The following RSRC1 variants were observed in gnomAD, a reference collection of about 807,000 sequenced individuals.
RSRC1 encodes the protein arginine and serine rich coiled-coil 1.
In RSRC1, 39 loss-of-function variants were observed where a neutral mutation model predicts 49.1. The observed-to-expected ratio is 0.79, with a 90% confidence interval of 0.61 to 1.04. The LOEUF is 1.04. RSRC1 is among the 50% of genes least tolerant of loss of function. The pLI is 0.00. For synonymous variants in RSRC1, 143 were observed against 130.8 expected (o/e 1.09, Z -0.63); for missense variants, 388 against 402.4 (o/e 0.96, Z 0.31).
At chr3:158,145,372 C>A (rs1717020794) in intron 3 of RSRC1, among the ~76,000 whole-genome samples, 1 of 152,298 alleles carries the variant, frequency 6.6e-6, no homozygotes, top group South Asian at 2.1e-4. Flanking sequence ...TTCCCAGCAC[C>A]ATTTGTTATA....
At chr3:158,464,337 T>C (rs534158802) in intron 7 of RSRC1, among the ~76,000 whole-genome samples, 1 of 152,192 alleles carries the variant, frequency 6.6e-6, no homozygotes, top group Non-Finnish European at 1.5e-5. Context: ...TGCATTTGAC[T>C]TCTCTCTAAT....
chr3:158,189,633 T>A (rs1720119043), intron 3 of RSRC1, among the ~76,000 whole-genome samples: 1 of 151,946 alleles, frequency 6.6e-6, no homozygotes, highest in Non-Finnish European at 1.5e-5. Context: ...GAACACTTCT[T>A]TAGTTTAATA....
intron 7 of RSRC1, among the ~76,000 whole-genome samples, chr3:158,527,422 G>C (rs1712108953): frequency 6.6e-6 from 1 of 151,834 alleles, no homozygotes; most frequent in African/African-American, 2.4e-5. Context: ...GCTTTTTGGT[G>C]AATATAAGCA....
intron 6 of RSRC1, among the ~76,000 whole-genome samples, chr3:158,373,100 G>A (rs1470764292): frequency 1.3e-5 from 2 of 151,622 alleles, no homozygotes; most frequent in African/African-American, 4.8e-5. Flanking sequence ...AGATTCATTA[G>A]GATTTTTCTT....
In RSRC1 at chr3:158,544,793, A is replaced by AT. The variant is rs1713232422; in HGVS notation, c.*523dup. 1.3e-5 allele frequency: 2 copies of AT among 152,254 alleles called. No homozygotes were observed. The highest frequency in any genetic ancestry group is 2.9e-5 in the Non-Finnish European group (2 of 68,056). The allele number at this position is 152,254 out of a possible 1,614,324, so 9.4% of individuals were successfully genotyped here. A position where few individuals can be genotyped will look rare whatever the true frequency, so the allele number is the denominator to read the frequency against. On this transcript the variant is annotated 3_prime_UTR_variant, in exon 10 of 10. Transcript: ENST00000611884. ...TAAAGAACATATTTATGGAAAAAAA[A>AT]TTTTTGAAACTTAAATAAATTGGTG...
At chr3:158,331,971 A>G (rs1276038975) in intron 5 of RSRC1, among the ~76,000 whole-genome samples, 2 of 151,866 alleles carry the variant, frequency 1.3e-5, no homozygotes, top group African/African-American at 4.8e-5. Context: ...TTGATTATAT[A>G]TTGTTATTAA....
At chr3:158,512,164 G>C (rs1056010662) in intron 7 of RSRC1, among the ~76,000 whole-genome samples, 2 of 148,680 alleles carry the variant, frequency 1.3e-5, no homozygotes, top group Admixed American at 6.7e-5. Flanking sequence ...ATTGCTTTTG[G>C]TGTTTTAGAC....
At chr3:158,280,058 A>G (rs915659999) in intron 4 of RSRC1, among the ~76,000 whole-genome samples, 1 of 152,192 alleles carries the variant, frequency 6.6e-6, no homozygotes, top group Non-Finnish European at 1.5e-5. Context: ...TGTTGCCACT[A>G]TCACAGAGAA....
intron 3 of RSRC1, among the ~76,000 whole-genome samples, chr3:158,191,057 A>C (rs1720213873): frequency 6.6e-6 from 1 of 151,954 alleles, no homozygotes; most frequent in South Asian, 2.1e-4. Flanking sequence ...CAAGTAGCTG[A>C]GACTACAGGC....
chr3:158,513,467 C>A (rs1469700363), intron 7 of RSRC1, among the ~76,000 whole-genome samples: 1 of 151,998 alleles, frequency 6.6e-6, no homozygotes, highest in African/African-American at 2.4e-5. Flanking sequence ...GGATGAAGCC[C>A]ACTTGATCAT....
intron 4 of RSRC1, among the ~76,000 whole-genome samples, chr3:158,270,122 A>G (rs1725419924): frequency 6.6e-6 from 1 of 152,034 alleles, no homozygotes; most frequent in Admixed American, 6.6e-5. Context: ...ACTCTCGGTA[A>G]AGCTTTTGTC....
intron 5 of RSRC1, among the ~76,000 whole-genome samples, chr3:158,350,805 T>TA (rs1730830174): frequency 6.6e-6 from 1 of 152,202 alleles, no homozygotes; most frequent in Non-Finnish European, 1.5e-5. Context: ...ATAAGATTAA[T>TA]ACCATTTACG....
intron 4 of RSRC1, among the ~76,000 whole-genome samples, chr3:158,263,367 T>G (rs1725000344): frequency 6.6e-6 from 1 of 152,186 alleles, no homozygotes; most frequent in Non-Finnish European, 1.5e-5. Context: ...ATTTCTAGTA[T>G]AAAACTCTAC....
At chr3:158,247,157 A>C (rs1578240390) in intron 4 of RSRC1, among the ~76,000 whole-genome samples, 1 of 151,358 alleles carries the variant, frequency 6.6e-6, no homozygotes, top group Admixed American at 6.6e-5. Context: ...TCTTTCCTCC[A>C]CTTGGTCCAT....
In RSRC1 at chr3:158,544,281, A is replaced by G. The variant is rs1296479349; in HGVS notation, c.*6A>G. On this transcript the variant is annotated 3_prime_UTR_variant, in exon 10 of 10. Transcript: ENST00000611884. ...TGGGCAGTCCTGTGGCCTAAGTAAT[A>G]TACATATAGTTGGATTGGATTGTCA... is the stretch of plus-strand genomic sequence containing the variant. 1.9e-6 allele frequency: 3 copies of G among 1,563,500 alleles called. No homozygotes were observed. Among genetic ancestry groups the G allele is most frequent in the Admixed American group, 1.7e-5 (1 of 58,748 alleles).
chr3:158,433,014 T>C (rs1469498949), intron 6 of RSRC1, among the ~76,000 whole-genome samples: 2 of 151,972 alleles, frequency 1.3e-5, no homozygotes, highest in Non-Finnish European at 2.9e-5. Context: ...GAAATTGTTA[T>C]ATACCTTTTT....
intron 4 of RSRC1, among the ~76,000 whole-genome samples, chr3:158,286,664 T>G (rs150133542): frequency 6.6e-6 from 1 of 152,318 alleles, no homozygotes; most frequent in African/African-American, 2.4e-5. Context: ...TATTAGATGC[T>G]TACCTGATTA....
chr3:158,229,093 CACATACGTGTATATGTGTATATAA>C lies in RSRC1; in HGVS notation c.494+25879_494+25902del, dbSNP rs1463590869. Among the ~76,000 whole-genome samples the C allele has an allele frequency of 1.2e-4, 18 of 149,098 alleles. 5 individuals are homozygous for C. Among genetic ancestry groups the C allele is most frequent in the South Asian group, 2.1e-4 (1 of 4,732 alleles). ...ACACGTGTATATGTGTGTATAAACACACATACGTGTATATGTGTATATAAACATACGTGTATATGTGTATATAAA... is the reference window on the plus strand; with the variant it reads ...ACACGTGTATATGTGTGTATAAACACACATACGTGTATATGTGTATATAAA... On this transcript the variant is annotated intron_variant, in intron 4 of 9. Transcript: ENST00000611884.
intron 7 of RSRC1, chr3:158,497,021 G>GA (rs1030203352): frequency 6.6e-6 from 1 of 152,058 alleles, no homozygotes; most frequent in Non-Finnish European, 1.5e-5. Flanking sequence ...TATATACTAT[G>GA]AAAAAATTTT....
Sources: gnomAD v4.1 joint callset for allele counts (sites outside exome capture counted in the v4.1 genomes callset) on GRCh38, gnomAD v4.1.1 for gene constraint, MANE v1.5 for transcripts, NCBI Gene and HGNC (gene_info 2026-07-23, HGNC 2026-07-21) for gene names.